SLC8A2: variants seen among roughly 807,000 people sequenced by gnomAD.
The protein encoded by SLC8A2 is solute carrier family 8 member A2.
Under a neutral mutation model 70.2 loss-of-function variants are expected in SLC8A2, and 14 were observed. The ratio of observed to expected loss-of-function variants is 0.20; its 90% confidence interval spans 0.13 to 0.31. The LOEUF is 0.31. Ranked by LOEUF, SLC8A2 falls within the 10% of genes least tolerant of loss-of-function variation. The pLI is 1.00. For synonymous variants in SLC8A2, 575 were observed against 594.3 expected (o/e 0.97, Z 0.47); for missense variants, 779 against 1,320.1 (o/e 0.59, Z 6.35).
chr19:47,437,563 T>C lies in SLC8A2; in HGVS notation c.2011-2A>G, dbSNP rs751973770. On this transcript the variant is annotated splice_acceptor_variant, in intron 7 of 9. Coordinates refer to ENST00000236877, the MANE Select transcript of SLC8A2 (RefSeq NM_015063.3). LOFTEE classifies it high-confidence loss of function. Reference sequence around the variant, plus strand: ...CTTGATGAGTTTATCCACCGTGTTCTGGGGATGAGAGGGTGGGGGAGAGGT... The same window carrying C: ...CTTGATGAGTTTATCCACCGTGTTCCGGGGATGAGAGGGTGGGGGAGAGGT... 1 of 1,609,876 alleles carries C rather than the reference T, an allele frequency of 6.2e-7. No homozygotes were observed. The highest frequency in any genetic ancestry group is 1.1e-5 in the South Asian group (1 of 90,998).
chr19:47,446,416 A>G (rs1568442785), intron 4 of SLC8A2, among the ~76,000 whole-genome samples: 2 of 152,056 alleles, frequency 1.3e-5, no homozygotes, highest in East Asian at 3.9e-4. Context: ...CCGTGATTTT[A>G]TGTGTGTCTG....
Position 47,466,545 on chromosome 19 carries a change from C to G in SLC8A2, c.-16-126G>C. ...AGGACCAATGCAGGCAGGATGGGGA[C>G]TGAGGGCGACAGAGACACAGAGAGT... On this transcript the variant is annotated intron_variant, in intron 1 of 9. Coordinates refer to ENST00000236877, the MANE Select transcript of SLC8A2 (RefSeq NM_015063.3). The surrounding 1 kb of genome is among the most constrained non-coding windows in gnomAD (Gnocchi z 6.9). 1 of 558,566 alleles carries G rather than the reference C, an allele frequency of 1.8e-6. No homozygotes were observed. The highest frequency in any genetic ancestry group is 3.1e-6 in the Non-Finnish European group (1 of 317,470). 34.6% of individuals were successfully genotyped at this position (558,566 alleles called of 1,614,324 possible).
chr19:47,460,495 C>T (rs1056527529), intron 2 of SLC8A2, among the ~76,000 whole-genome samples: 1 of 151,276 alleles, frequency 6.6e-6, no homozygotes, highest in South Asian at 2.1e-4. Context: ...GCCAGGAGTT[C>T]GAGACCAGCC....
chr19:47,444,695 C>T (rs1268626702), intron 4 of SLC8A2, among the ~76,000 whole-genome samples: 2 of 152,216 alleles, frequency 1.3e-5, no homozygotes, highest in Non-Finnish European at 2.9e-5. Context: ...ACGTCAACTG[C>T]GCCTGGCAGG....
Position 47,457,167 on chromosome 19 carries a change from A to T in SLC8A2, c.1103T>A (p.Leu368Gln). ...TRLMTGAGNV[L>Q]RRHAADASRR... The stretch of plus-strand genomic sequence containing the variant: ...CGAGGCGTCCGCCGCGTGTCTGCGC[A>T]GCACGTTCCCGGCGCCGGTCATCAG... Residue 368 changes from leucine to glutamine, a missense_variant, in exon 3 of 10, where the codon CTG becomes CAG. By Grantham distance (113) the Leu-to-Gln change is moderately radical. This residue lies in a region of SLC8A2 where 186 missense variants were observed against 246.6 expected (regional missense o/e 0.75). Transcript: ENST00000236877. 6.5e-7 allele frequency: 1 copy of T among 1,544,602 alleles called. No individual in the cohort carries two copies.
chr19:47,434,581 C>T (rs1007918963), intron 8 of SLC8A2, among the ~76,000 whole-genome samples: 2 of 152,216 alleles, frequency 1.3e-5, no homozygotes, highest in African/African-American at 2.4e-5. Flanking sequence ...ACTGTTGTTT[C>T]GATTGTTATG....
intron 4 of SLC8A2, among the ~76,000 whole-genome samples, chr19:47,445,699 G>A (rs771285254): frequency 6.6e-6 from 1 of 152,222 alleles, no homozygotes; most frequent in Admixed American, 6.5e-5. Context: ...GCTTGTGGGG[G>A]TGGGGGACAG....
intron 4 of SLC8A2, 42 bp from the exon 5 acceptor site, chr19:47,441,482 G>GC (rs766919484): frequency 3.2e-6 from 4 of 1,248,384 alleles, no homozygotes; most frequent in Non-Finnish European, 4.6e-6. Context: ...TCAGTGTAAG[G>GC]CCCCCTCCCC....
intron 8 of SLC8A2, among the ~76,000 whole-genome samples, chr19:47,435,115 A>C (rs1343687122): frequency 1.3e-4 from 20 of 152,010 alleles, no homozygotes; most frequent in Admixed American, 1.3e-3. Flanking sequence ...AGGCTGAGTC[A>C]GGAGGATCGC....
In SLC8A2 at chr19:47,432,477, CT is replaced by C. The variant is rs768935802; in HGVS notation, c.2111-33del. The C allele has an allele frequency of 6.5e-7, 1 of 1,538,786 alleles. No individual in the cohort carries two copies. Among genetic ancestry groups the C allele is most frequent in the African/African-American group, 1.4e-5 (1 of 73,246 alleles). ...GCACACGACCCAGCTGGGGCATACA[CT>C]CAGACTTCCTTCCTTGCCTACAGAG... On this transcript the variant is annotated intron_variant, in intron 8 of 9. Transcript: ENST00000236877. The surrounding 1 kb of genome is among the most constrained non-coding windows in gnomAD (Gnocchi z 6.2).
chr19:47,441,147 G>A (rs777241418), intron 6 of SLC8A2, 22 bp downstream of exon 6: 2 of 1,612,346 alleles, frequency 1.2e-6, no homozygotes, highest in Non-Finnish European at 1.7e-6. Context: ...CCCACTCAGA[G>A]CCCAGAGGTG....
At chr19:47,443,750 C>T (rs530671190) in intron 4 of SLC8A2, among the ~76,000 whole-genome samples, 113 of 152,302 alleles carry the variant, frequency 7.4e-4, no homozygotes, top group Middle Eastern at 3.4e-3. Flanking sequence ...TCTGTCCCTA[C>T]ATTTTCCATC....
intron 2 of SLC8A2, among the ~76,000 whole-genome samples, chr19:47,459,491 TCTC>T (rs1214893386): frequency 2.0e-5 from 3 of 152,152 alleles, no homozygotes; most frequent in Non-Finnish European, 4.4e-5. Flanking sequence ...CCTCCCTCTC[TCTC>T]TTGCTCCCCA....
chr19:47,450,406 C>T (rs1568443963), intron 3 of SLC8A2, among the ~76,000 whole-genome samples: 3 of 152,008 alleles, frequency 2.0e-5, no homozygotes, highest in African/African-American at 2.4e-5. Context: ...GCCTGTAGTC[C>T]CAGCTACTCT....
intron 3 of SLC8A2, among the ~76,000 whole-genome samples, chr19:47,449,427 T>A (rs1384260344): frequency 6.6e-6 from 1 of 152,152 alleles, no homozygotes; most frequent in Non-Finnish European, 1.5e-5. Context: ...GTTCAAGGGA[T>A]TCTCCCACCT....
At chr19:47,463,505 G>C (rs1232931790) in intron 2 of SLC8A2, among the ~76,000 whole-genome samples, 1 of 149,274 alleles carries the variant, frequency 6.7e-6, no homozygotes, top group Non-Finnish European at 1.5e-5. Flanking sequence ...GCTGAGGCGG[G>C]CAGATCACTT....
At chr19:47,441,212 C>G in intron 5 of SLC8A2, 26 bp from the exon 6 acceptor site, 1 of 1,613,450 alleles carries the variant, frequency 6.2e-7, no homozygotes, top group Non-Finnish European at 8.5e-7. Context: ...GACAGGCAGA[C>G]AGTGAGATCA....
chr19:47,437,770 G>A, intron 7 of SLC8A2, 79 bp downstream of exon 7: 3 of 1,556,306 alleles, frequency 1.9e-6, no homozygotes, highest in Non-Finnish European at 2.7e-6. Flanking sequence ...TAGGAACCTT[G>A]TGGCTCCCCG....
intron 6 of SLC8A2, among the ~76,000 whole-genome samples, chr19:47,440,647 A>G (rs1376514651): frequency 6.6e-6 from 1 of 151,866 alleles, no homozygotes; most frequent in Non-Finnish European, 1.5e-5. Context: ...CGTGGAGTGC[A>G]ATGGCGCGAT....
Sources: gnomAD v4.1 joint callset for allele counts (sites outside exome capture counted in the v4.1 genomes callset) on GRCh38, gnomAD v4.1.1 for gene constraint, gnomAD v4.1.1 regional missense constraint, Gnocchi (gnomAD v3.1) non-coding constraint, MANE v1.5 for transcripts, NCBI Gene and HGNC (gene_info 2026-07-23, HGNC 2026-07-21) for gene names.